ARHGEF4: variants seen among roughly 807,000 people sequenced by gnomAD.
ARHGEF4 encodes APC-stimulated guanine nucleotide exchange factor 1.
Under a neutral mutation model 162.0 loss-of-function variants are expected in ARHGEF4, and 119 were observed. The observed-to-expected ratio is 0.73, with a 90% CI of 0.63 to 0.86. The LOEUF (loss-of-function observed/expected upper bound fraction) is 0.86. ARHGEF4 is among the 40% of genes least tolerant of loss of function. ARHGEF4 has a pLI of 0.00. For missense variants in ARHGEF4, 2,488 were observed against 2,456.0 expected, an observed-to-expected ratio of 1.01 and a Z score of -0.28; for synonymous variants, 1,014 against 979.9, an observed-to-expected ratio of 1.03 and a Z score of -0.65.
At chr2:130,839,129 C>T (rs906432999) in intron 1 of ARHGEF4, among the ~76,000 whole-genome samples, 4 of 152,182 alleles carry the variant, frequency 2.6e-5, no homozygotes, top group African/African-American at 9.7e-5. Context: ...CTGACTGCCA[C>T]AGCAGTCCAC....
rs1176351597 is a variant in ARHGEF4 at position 130,988,885 on chromosome 2, TATATATATATATATATAGAGAG to T, written c.3986-39058_3986-39037del. ...GTGTGTGTGTGTGTATATATATATA[TATATATATATATATATAGAGAG>T]AGAGAGAGAGAGAGAGAGAGAGAGA... On this transcript the variant is annotated intron_variant, in intron 4 of 13. Coordinates refer to ENST00000409359, the MANE Select transcript of ARHGEF4 (RefSeq NM_001367493.1). 3.8e-4 allele frequency among the ~76,000 whole-genome samples: 37 copies of T among 97,846 alleles called. 1 individual carries two copies. Among genetic ancestry groups the T allele is most frequent in the African/African-American group, 1.3e-3 (34 of 26,850 alleles). 64.2% of individuals were successfully genotyped at this position (97,846 alleles called of 152,430 possible).
At chr2:130,842,329 A>G (rs1023950984) in intron 1 of ARHGEF4, among the ~76,000 whole-genome samples, 2 of 152,180 alleles carry the variant, frequency 1.3e-5, no homozygotes, top group African/African-American at 4.8e-5. Flanking sequence ...AGGAAACAAC[A>G]CATCCTTCTG....
At chr2:131,045,302 G>T (rs927721673) in intron 12 of ARHGEF4, 67 bp from the exon 13 acceptor site, 3 of 1,399,984 alleles carry the variant, frequency 2.1e-6, no homozygotes, top group Non-Finnish European at 3.0e-6. Context: ...GGAAGGTGCA[G>T]GTGTGCAGGG....
At chr2:130,865,023 C>T (rs1682170163) in intron 1 of ARHGEF4, among the ~76,000 whole-genome samples, 1 of 152,126 alleles carries the variant, frequency 6.6e-6, no homozygotes, top group Non-Finnish European at 1.5e-5. Context: ...TATGCAAAGC[C>T]GATAAGGTGA....
intron 6 of ARHGEF4, chr2:131,039,543 A>AG: frequency 9.7e-7 from 1 of 1,034,550 alleles, no homozygotes; most frequent in Non-Finnish European, 1.2e-6. Context: ...GTCCAAGCTG[A>AG]GGGCCGTCCG....
At chr2:131,024,477 A>T (rs1226113099) in intron 4 of ARHGEF4, among the ~76,000 whole-genome samples, 1 of 152,094 alleles carries the variant, frequency 6.6e-6, no homozygotes, top group Non-Finnish European at 1.5e-5. Flanking sequence ...GGATTTCACC[A>T]TGCTGGCCAG....
intron 4 of ARHGEF4, among the ~76,000 whole-genome samples, chr2:130,992,594 GAACA>G (rs764010068): frequency 3.1e-4 from 47 of 151,824 alleles, no homozygotes; most frequent in South Asian, 8.3e-4. Context: ...CCATCAGAAG[GAACA>G]AACTCCAGAC....
intron 4 of ARHGEF4, among the ~76,000 whole-genome samples, chr2:130,975,185 A>G (rs2105232067): frequency 6.6e-6 from 1 of 152,254 alleles, no homozygotes; most frequent in East Asian, 1.9e-4. Flanking sequence ...ACTTGGACTT[A>G]GCAGTGAGGA....
chr2:130,915,699 G>T lies in ARHGEF4; in HGVS notation c.1753G>T (p.Gly585Cys). The change falls in exon 2 of 14, where the codon GGT becomes TGT. Residue 585 changes from glycine (G) to cysteine (C), a missense_variant. Around this residue, in one of 6 missense-constraint regions of ARHGEF4, gnomAD observed 1,642 missense variants for 1,481.5 expected, o/e 1.11. Coordinates refer to ENST00000409359, the MANE Select transcript of ARHGEF4 (RefSeq NM_001367493.1). ...CAACTACAGGGAACAGGCTTTGCAA[G>T]GTCTTTCAGAATTCAAGGCAGCCAC... ...DPNYREQALQ[G>C]LSEFKAATVS... 6.5e-7 allele frequency: 1 copy of T among 1,550,288 alleles called. No individual in the cohort carries two copies. Among genetic ancestry groups the T allele is most frequent in the Non-Finnish European group, 8.7e-7 (1 of 1,146,850 alleles).
intron 1 of ARHGEF4, among the ~76,000 whole-genome samples, chr2:130,865,284 G>C (rs889307734): frequency 2.0e-5 from 3 of 152,256 alleles, no homozygotes; most frequent in Admixed American, 1.3e-4. Flanking sequence ...TATTTACCAA[G>C]TGCTCCCCTT....
intron 1 of ARHGEF4, among the ~76,000 whole-genome samples, chr2:130,899,051 G>A (rs1224025429): frequency 6.6e-6 from 1 of 152,150 alleles, no homozygotes; most frequent in Non-Finnish European, 1.5e-5. Context: ...GGAAGCATCA[G>A]CCCTTTGACA....
intron 4 of ARHGEF4, among the ~76,000 whole-genome samples, chr2:130,979,734 TAAAAAAAA>T (rs776769283): frequency 1.1e-5 from 1 of 92,720 alleles, no homozygotes; most frequent in South Asian, 4.4e-4. Context: ...AGACTCCATC[TAAAAAAAA>T]AAAAAAAAAA....
intron 4 of ARHGEF4, among the ~76,000 whole-genome samples, chr2:130,986,481 G>T (rs1163620477): frequency 6.6e-6 from 1 of 152,220 alleles, no homozygotes. Flanking sequence ...TGCAGCAGAG[G>T]ACTCAGATTG....
intron 4 of ARHGEF4, among the ~76,000 whole-genome samples, chr2:130,995,783 C>T (rs1441705795): frequency 6.6e-6 from 1 of 151,414 alleles, no homozygotes; most frequent in Non-Finnish European, 1.5e-5. Context: ...TACAGCCATG[C>T]GTAGTCCCAC....
At chr2:130,965,700 C>G (rs1015221937) in intron 4 of ARHGEF4, among the ~76,000 whole-genome samples, 1 of 152,178 alleles carries the variant, frequency 6.6e-6, no homozygotes. Flanking sequence ...TTCCTTCTGT[C>G]CCAGGGTAAG....
intron 4 of ARHGEF4, among the ~76,000 whole-genome samples, chr2:130,988,398 G>A (rs898972221): frequency 2.6e-5 from 4 of 152,228 alleles, no homozygotes; most frequent in African/African-American, 9.6e-5. Context: ...TGGTGTGTGG[G>A]CACTAAGAAA....
chr2:130,916,963 C>T lies in ARHGEF4; in HGVS notation c.3017C>T (p.Pro1006Leu). The T allele has an allele frequency of 1.9e-6, 3 of 1,550,824 alleles. No homozygotes were observed. Among genetic ancestry groups the T allele is most frequent in the African/African-American group, 1.4e-5 (1 of 73,138 alleles). Residue 1006 changes from proline to leucine, a missense_variant, in exon 2 of 14, where the codon CCC becomes CTC. By Grantham distance (98) the Pro-to-Leu change is moderately conservative (BLOSUM62 -3). Around this residue, in one of 6 missense-constraint regions of ARHGEF4, gnomAD observed 1,642 missense variants for 1,481.5 expected, o/e 1.11. Coordinates refer to ENST00000409359, the MANE Select transcript of ARHGEF4 (RefSeq NM_001367493.1). Reference protein sequence around the residue: ...EGYVFSDHWAPPLASTPLSSS... With the variant: ...EGYVFSDHWALPLASTPLSSS... ...TATGTTTTTAGCGATCACTGGGCACCCCCACTTGCCTCCACACCTTTGTCC... is the reference window on the plus strand; with the variant it reads ...TATGTTTTTAGCGATCACTGGGCACTCCCACTTGCCTCCACACCTTTGTCC...
intron 2 of ARHGEF4, among the ~76,000 whole-genome samples, chr2:130,924,457 G>T (rs1277999768): frequency 1.3e-5 from 2 of 152,040 alleles, no homozygotes; most frequent in African/African-American, 4.8e-5. Context: ...TAGTAGAGAC[G>T]GGGTTTCACT....
chr2:130,903,343 C>T (rs1392812549), intron 1 of ARHGEF4, among the ~76,000 whole-genome samples: 1 of 151,780 alleles, frequency 6.6e-6, no homozygotes, highest in Non-Finnish European at 1.5e-5. Context: ...ACTGAAACCT[C>T]TCCCTCCCGG....
Sources: gnomAD v4.1 joint callset for allele counts (sites outside exome capture counted in the v4.1 genomes callset) on GRCh38, gnomAD v4.1.1 for gene constraint, gnomAD v4.1.1 regional missense constraint, MANE v1.5 for transcripts, NCBI Gene and HGNC (gene_info 2026-07-23, HGNC 2026-07-21) for gene names.